Variants in SLC8A1 observed in about 807,000 individuals in gnomAD.
The protein encoded by SLC8A1 is solute carrier family 8 member A1.
A neutral mutation model predicts 68.3 loss-of-function variants in SLC8A1; 18 were observed. The ratio of observed to expected loss-of-function variants is 0.26; its 90% CI spans 0.18 to 0.39. SLC8A1 has a LOEUF of 0.39. Ranked by LOEUF, SLC8A1 falls within the 10% of genes least tolerant of loss-of-function variation. The pLI is 1.00. For synonymous variants in SLC8A1, 475 were observed against 415.5 expected, an observed-to-expected ratio of 1.14 and a Z score of -1.74; for missense variants, 985 against 1,156.7, an observed-to-expected ratio of 0.85 and a Z score of 2.15.
intron 2 of SLC8A1, among the ~76,000 whole-genome samples, chr2:40,375,469 T>C (rs1280083588): frequency 6.6e-6 from 1 of 152,156 alleles, no homozygotes; most frequent in Admixed American, 6.5e-5. Context: ...AGCATTTTAA[T>C]TGGATAGTTT....
intron 2 of SLC8A1, among the ~76,000 whole-genome samples, chr2:40,372,844 C>T (rs745665588): frequency 4.6e-5 from 7 of 152,068 alleles, no homozygotes; most frequent in Non-Finnish European, 7.4e-5. Context: ...GTCATTATCT[C>T]TGGCTTTGGT....
chr2:40,107,263 G>A (rs980285353), exon 8 of SLC8A1: 5 of 66,410 alleles, frequency 7.5e-5, no homozygotes, highest in Admixed American at 6.2e-4. Flanking sequence ...CTGGGCGACA[G>A]AGCGAGACTC....
chr2:40,234,890 G>A (rs1399297786), intron 2 of SLC8A1, among the ~76,000 whole-genome samples: 1 of 152,060 alleles, frequency 6.6e-6, no homozygotes, highest in Non-Finnish European at 1.5e-5. Flanking sequence ...CTGTTTATAT[G>A]CTGGATTATA....
chr2:40,319,747 C>G (rs1447079818), intron 2 of SLC8A1, among the ~76,000 whole-genome samples: 1 of 152,032 alleles, frequency 6.6e-6, no homozygotes, highest in East Asian at 1.9e-4. Flanking sequence ...CAATTCTTCC[C>G]CAGGACAACC....
intron 2 of SLC8A1, among the ~76,000 whole-genome samples, chr2:40,218,496 G>A (rs928956063): frequency 1.3e-5 from 2 of 151,900 alleles, no homozygotes; most frequent in African/African-American, 2.4e-5. Context: ...ACATTTTGCC[G>A]CTACTTTTAC....
chr2:40,495,067 C>T (rs986795175), intron 1 of SLC8A1, among the ~76,000 whole-genome samples: 8 of 151,836 alleles, frequency 5.3e-5, no homozygotes, highest in Non-Finnish European at 7.4e-5. Context: ...AGGTTTGGTA[C>T]TGGGTTTGTC....
chr2:40,307,930 T>C (rs1448764433), intron 2 of SLC8A1, among the ~76,000 whole-genome samples: 1 of 152,138 alleles, frequency 6.6e-6, no homozygotes, highest in African/African-American at 2.4e-5. Flanking sequence ...TAATTGCCAG[T>C]TCTGCATCAT....
At chr2:40,141,912 A>G (rs1364089946) in intron 6 of SLC8A1, among the ~76,000 whole-genome samples, 1 of 152,178 alleles carries the variant, frequency 6.6e-6, no homozygotes, top group Non-Finnish European at 1.5e-5. Flanking sequence ...CAGTGAGAAG[A>G]CAGACATTTA....
chr2:40,190,045 C>A (rs562574842), intron 2 of SLC8A1, among the ~76,000 whole-genome samples: 38 of 152,286 alleles, frequency 2.5e-4, no homozygotes, highest in Non-Finnish European at 2.6e-4. Context: ...TTTCAGGATT[C>A]ATCTGCCAAT....
intron 4 of SLC8A1, among the ~76,000 whole-genome samples, 198 bp from the exon 7 acceptor site, chr2:40,170,547 A>G (rs1303869590): frequency 1.3e-5 from 2 of 152,242 alleles, no homozygotes; most frequent in Non-Finnish European, 2.9e-5. Context: ...GATGGAGATC[A>G]CTGCTCAGAG....
intron 7 of SLC8A1, among the ~76,000 whole-genome samples, chr2:40,136,923 G>A (rs1001895211): frequency 3.9e-5 from 6 of 152,276 alleles, no homozygotes; most frequent in Middle Eastern, 6.8e-3. Flanking sequence ...AGCAAATTAT[G>A]GAATTCTCTC....
intron 2 of SLC8A1, among the ~76,000 whole-genome samples, chr2:40,196,432 A>G (rs770625189): frequency 3.9e-5 from 6 of 151,998 alleles, no homozygotes; most frequent in Non-Finnish European, 8.8e-5. Context: ...AGTTTTATGG[A>G]AGGAACATAA....
chr2:40,275,362 A>G (rs1164243429), intron 2 of SLC8A1, among the ~76,000 whole-genome samples: 3 of 152,262 alleles, frequency 2.0e-5, no homozygotes, highest in Non-Finnish European at 4.4e-5. Context: ...TTAAGGATCC[A>G]AAGAGTTAGC....
At chr2:40,396,642 TTTCTGTAA>T (rs1686985322) in intron 2 of SLC8A1, among the ~76,000 whole-genome samples, 2 of 151,554 alleles carry the variant, frequency 1.3e-5, no homozygotes, top group African/African-American at 4.9e-5. Context: ...TCATTAAATA[TTTCTGTAA>T]TCCTATGTTT....
chr2:40,449,070 C>G (rs980849030), intron 1 of SLC8A1, among the ~76,000 whole-genome samples: 1 of 151,596 alleles, frequency 6.6e-6, no homozygotes, highest in Admixed American at 6.6e-5. Flanking sequence ...AGGGCAGTCT[C>G]CTTCTTATCT....
exon 8 of SLC8A1, chr2:40,108,511 A>G (rs1410465796): frequency 1.3e-5 from 2 of 152,152 alleles, no homozygotes; most frequent in African/African-American, 4.8e-5. Flanking sequence ...TTCTCATCCC[A>G]AATGCCATAT....
chr2:40,300,283 T>C (rs2071207522), intron 2 of SLC8A1, among the ~76,000 whole-genome samples: 1 of 152,206 alleles, frequency 6.6e-6, no homozygotes, highest in Admixed American at 6.5e-5. Flanking sequence ...ACTGCAATCC[T>C]ATAAAGTCAT....
intron 1 of SLC8A1, among the ~76,000 whole-genome samples, chr2:40,500,557 G>GA (rs1230061035): frequency 6.6e-6 from 1 of 151,648 alleles, no homozygotes; most frequent in Admixed American, 6.6e-5. Context: ...AATATTTGGG[G>GA]AAAAAATGGA....
chr2:40,205,260 A>AACTTAAAAATG (rs2055173434), intron 2 of SLC8A1, among the ~76,000 whole-genome samples: 1 of 151,824 alleles, frequency 6.6e-6, no homozygotes, highest in Non-Finnish European at 1.5e-5. Context: ...ATTTAAAAAT[A>AACTTAAAAATG]AATAAAAACA....
Sources: allele counts gnomAD v4.1 joint callset (sites outside exome capture counted in the v4.1 genomes callset), GRCh38; gene constraint gnomAD v4.1.1; transcripts MANE v1.5; gene names NCBI Gene and HGNC (gene_info 2026-07-23, HGNC 2026-07-21).